Variants in DGKI observed in about 807,000 individuals in gnomAD.
DGKI encodes DAG kinase iota.
Under a neutral mutation model 147.5 loss-of-function variants are expected in DGKI, and 55 were observed. That is an observed-to-expected ratio of 0.37 (90% CI 0.30 to 0.47). The LOEUF (loss-of-function observed/expected upper bound fraction) is 0.47, where lower values mean the gene tolerates loss of function less well. Among genes scored for constraint, DGKI ranks in the 20% least tolerant of loss-of-function variants. DGKI has a pLI of 1.00. For synonymous variants in DGKI, 469 were observed against 477.1 expected (o/e 0.98, Z 0.22); for missense variants, 1,007 against 1,323.8 (o/e 0.76, Z 3.71).
chr7:137,637,787 T>C (rs1821365777), intron 6 of DGKI, among the ~76,000 whole-genome samples: 1 of 152,370 alleles, frequency 6.6e-6, no homozygotes. Context: ...ACATGCTTTT[T>C]CTTTAACAAG....
chr7:137,692,884 T>C (rs1330677188), intron 1 of DGKI, among the ~76,000 whole-genome samples: 1 of 152,076 alleles, frequency 6.6e-6, no homozygotes, highest in African/African-American at 2.4e-5. Context: ...GTAAAAAACA[T>C]GAAAGTGGCT....
At chr7:137,431,187 A>C (rs1310292837) in intron 28 of DGKI, among the ~76,000 whole-genome samples, 2 of 152,168 alleles carry the variant, frequency 1.3e-5, no homozygotes, top group Non-Finnish European at 2.9e-5. Context: ...AGAGAAACAA[A>C]GCAAACAGTT....
intron 1 of DGKI, among the ~76,000 whole-genome samples, chr7:137,825,476 C>G (rs994699854): frequency 6.6e-6 from 1 of 152,156 alleles, no homozygotes; most frequent in Non-Finnish European, 1.5e-5. Flanking sequence ...TCAGCACCAA[C>G]AGCCATGATG....
chr7:137,793,349 G>A (rs767068846), intron 1 of DGKI, among the ~76,000 whole-genome samples: 4 of 150,450 alleles, frequency 2.7e-5, no homozygotes, highest in Non-Finnish European at 4.4e-5. Context: ...CGCCCAGGCT[G>A]GAGTGCAGTG....
chr7:137,633,665 T>C (rs1286467950), intron 6 of DGKI, among the ~76,000 whole-genome samples: 1 of 152,198 alleles, frequency 6.6e-6, no homozygotes, highest in African/African-American at 2.4e-5. Flanking sequence ...ATATCACAAA[T>C]TTAACCCAGT....
chr7:137,588,292 T>C (rs1003408014), intron 12 of DGKI, among the ~76,000 whole-genome samples: 7 of 152,144 alleles, frequency 4.6e-5, no homozygotes, highest in African/African-American at 1.7e-4. Flanking sequence ...ATGTATTCAT[T>C]CTATATTTGT....
intron 1 of DGKI, among the ~76,000 whole-genome samples, chr7:137,754,766 A>C (rs1188297028): frequency 6.6e-6 from 1 of 152,190 alleles, no homozygotes; most frequent in Non-Finnish European, 1.5e-5. Context: ...AACGGCAGCG[A>C]TGGCAGCTTC....
intron 1 of DGKI, among the ~76,000 whole-genome samples, chr7:137,736,441 T>C (rs1030396465): frequency 2.6e-5 from 4 of 152,142 alleles, no homozygotes; most frequent in African/African-American, 9.7e-5. Flanking sequence ...TGGCTTATTT[T>C]GCAAAGGCAA....
chr7:137,742,730 A>G (rs576145519), intron 1 of DGKI, among the ~76,000 whole-genome samples: 91 of 149,140 alleles, frequency 6.1e-4, no homozygotes, highest in African/African-American at 2.2e-3. Flanking sequence ...CGGGGGAAAA[A>G]AAATAAAGTC....
intron 5 of DGKI, among the ~76,000 whole-genome samples, chr7:137,649,472 T>C (rs998538590): frequency 6.6e-6 from 1 of 152,166 alleles, no homozygotes; most frequent in Non-Finnish European, 1.5e-5. Context: ...GAATTATTCA[T>C]AAACAACTTC....
At chr7:137,599,791 A>C (rs763208929) in intron 11 of DGKI, 32 bp downstream of exon 11, 2 of 1,601,722 alleles carry the variant, frequency 1.2e-6, no homozygotes, top group African/African-American at 2.7e-5. Context: ...CCTAAAATAC[A>C]TATGGACCAT....
Position 137,770,679 on chromosome 7 carries a change from G to T in DGKI, c.401+75783C>A, listed in dbSNP as rs55719809. On this transcript the variant is annotated intron_variant, in intron 1 of 32. Transcript: ENST00000614521. The stretch of plus-strand genomic sequence containing the variant: ...CTCCCAAGTAGCTGGGACTACAGGC[G>T]CCCGCCACTACGCCCGGCTAATTTT... Among the ~76,000 whole-genome samples the T allele has an allele frequency of 5.2e-5, 5 of 96,758 alleles. 2 individuals are homozygous for T. Among genetic ancestry groups the T allele is most frequent in the African/African-American group, 1.7e-4 (2 of 12,006 alleles). The allele number at this position is 96,758 out of a possible 152,430, so 63.5% of individuals were successfully genotyped here. A position where few individuals can be genotyped will look rare whatever the true frequency, so the allele number is the denominator to read the frequency against.
At chr7:137,409,416 G>A (rs1812079874) in intron 29 of DGKI, among the ~76,000 whole-genome samples, 1 of 152,124 alleles carries the variant, frequency 6.6e-6, no homozygotes, top group Admixed American at 6.5e-5. Context: ...ACACAGTAAT[G>A]GACAGGAACA....
intron 19 of DGKI, among the ~76,000 whole-genome samples, chr7:137,556,947 T>C (rs1364477781): frequency 1.3e-5 from 2 of 152,094 alleles, no homozygotes; most frequent in East Asian, 1.9e-4. Flanking sequence ...AAAGCAAACA[T>C]GAGTGGGCCT....
At chr7:137,690,629 T>TA (rs945064590) in intron 1 of DGKI, among the ~76,000 whole-genome samples, 2 of 152,190 alleles carry the variant, frequency 1.3e-5, no homozygotes, top group African/African-American at 4.8e-5. Context: ...AGATAAAGCC[T>TA]AAAAACACTA....
intron 1 of DGKI, among the ~76,000 whole-genome samples, chr7:137,806,130 A>C (rs932595575): frequency 4.6e-5 from 7 of 152,172 alleles, no homozygotes; most frequent in Admixed American, 2.6e-4. Context: ...TGTTTGGTAG[A>C]TGAAGGTCCC....
intron 1 of DGKI, among the ~76,000 whole-genome samples, chr7:137,836,804 G>A (rs1798396763): frequency 6.6e-6 from 1 of 152,210 alleles, no homozygotes; most frequent in African/African-American, 2.4e-5. Context: ...ACAGAGCTAA[G>A]TTTTATGCTT....
chr7:137,772,060 C>G (rs1796218230), intron 1 of DGKI: 1 of 152,214 alleles, frequency 6.6e-6, no homozygotes. Context: ...AAAATCATGA[C>G]TGGTTTCCAT....
chr7:137,555,389 G>A (rs1362722373), intron 19 of DGKI, among the ~76,000 whole-genome samples: 2 of 152,042 alleles, frequency 1.3e-5, no homozygotes, highest in African/African-American at 2.4e-5. Flanking sequence ...AGCTGAGGAC[G>A]GTGGTGCATG....
Sources: allele counts gnomAD v4.1 joint callset (sites outside exome capture counted in the v4.1 genomes callset), GRCh38; gene constraint gnomAD v4.1.1; transcripts MANE v1.5; gene names NCBI Gene and HGNC (gene_info 2026-07-23, HGNC 2026-07-21).